NPSR1: variants seen among roughly 807,000 people sequenced by gnomAD.
The protein encoded by NPSR1 is neuropeptide S receptor 1.
A neutral mutation model predicts 46.9 loss-of-function variants in NPSR1; 48 were observed. The observed-to-expected ratio is 1.02, with a 90% CI of 0.81 to 1.30. The LOEUF (loss-of-function observed/expected upper bound fraction) is 1.30. NPSR1 is among the 50% of genes most tolerant of loss of function. The pLI is 0.00. For missense variants in NPSR1, 450 were observed against 449.5 expected, an observed-to-expected ratio of 1.00 and a Z score of -0.01; for synonymous variants, 176 against 168.1, an observed-to-expected ratio of 1.05 and a Z score of -0.36.
At chr7:34,789,290 A>G (rs1178253961) in intron 3 of NPSR1, among the ~76,000 whole-genome samples, 1 of 152,040 alleles carries the variant, frequency 6.6e-6, no homozygotes, top group Non-Finnish European at 1.5e-5. Context: ...AGAAATAATA[A>G]AAATTAGAGA....
At chr7:34,713,649 T>C (rs1783412330) in intron 2 of NPSR1, among the ~76,000 whole-genome samples, 1 of 152,174 alleles carries the variant, frequency 6.6e-6, no homozygotes, top group African/African-American at 2.4e-5. Flanking sequence ...GTTTTCACTC[T>C]CCTGTGCAGA....
chr7:34,692,926 C>T (rs1793338432), intron 2 of NPSR1, among the ~76,000 whole-genome samples: 1 of 152,124 alleles, frequency 6.6e-6, no homozygotes, highest in Non-Finnish European at 1.5e-5. Context: ...GAAATACAAT[C>T]CCCCCGTGTT....
At chr7:34,815,554 A>G (rs759537372) in intron 4 of NPSR1, among the ~76,000 whole-genome samples, 1 of 152,226 alleles carries the variant, frequency 6.6e-6, no homozygotes, top group Non-Finnish European at 1.5e-5. Flanking sequence ...ACTCAAATTC[A>G]GGAAATACAG....
intron 2 of NPSR1, chr7:34,760,963 G>A (rs967323837): frequency 6.6e-6 from 1 of 152,460 alleles, no homozygotes; most frequent in Non-Finnish European, 1.5e-5. Context: ...TCATCATCAC[G>A]TAGTAATTTC....
At chr7:34,679,936 A>AC (rs1792531545) in intron 1 of NPSR1, among the ~76,000 whole-genome samples, 1 of 152,128 alleles carries the variant, frequency 6.6e-6, no homozygotes, top group Non-Finnish European at 1.5e-5. Flanking sequence ...CACAAATGAG[A>AC]TAAAAAATAT....
At chr7:34,757,233 A>G (rs956694934) in intron 2 of NPSR1, among the ~76,000 whole-genome samples, 2 of 152,200 alleles carry the variant, frequency 1.3e-5, no homozygotes, top group Non-Finnish European at 2.9e-5. Flanking sequence ...CTGAACTGAA[A>G]GTTGAGTGCA....
chr7:34,852,940 A>G (rs550959395), downstream of NPSR1, among the ~76,000 whole-genome samples: 4 of 152,330 alleles, frequency 2.6e-5, no homozygotes, highest in South Asian at 8.3e-4. Context: ...TTAAATATGA[A>G]TGGTAAAAAC....
intron 4 of NPSR1, among the ~76,000 whole-genome samples, chr7:34,823,555 G>C (rs753664374): frequency 4.6e-5 from 7 of 152,012 alleles, no homozygotes; most frequent in Non-Finnish European, 1.0e-4. Context: ...CAACTATTAG[G>C]AGAGTATAAG....
intron 3 of NPSR1, among the ~76,000 whole-genome samples, chr7:34,786,505 A>G (rs903802761): frequency 6.6e-6 from 1 of 152,170 alleles, no homozygotes; most frequent in Non-Finnish European, 1.5e-5. Flanking sequence ...ACCTTCTCCC[A>G]TAAATCATGA....
At chr7:34,730,863 CA>C (rs919663443) in intron 2 of NPSR1, among the ~76,000 whole-genome samples, 2 of 151,618 alleles carry the variant, frequency 1.3e-5, no homozygotes, top group African/African-American at 2.4e-5. Context: ...TTTTCAGTAC[CA>C]AAAAAAAGTG....
intron 3 of NPSR1, among the ~76,000 whole-genome samples, chr7:34,793,897 AAG>A (rs1788051445): frequency 6.6e-6 from 1 of 152,198 alleles, no homozygotes; most frequent in Non-Finnish European, 1.5e-5. Context: ...ATAAAAAAGA[AAG>A]AAATTGTTTC....
chr7:34,823,069 G>A (rs1211263114), intron 4 of NPSR1, among the ~76,000 whole-genome samples: 1 of 152,010 alleles, frequency 6.6e-6, no homozygotes, highest in Non-Finnish European at 1.5e-5. Flanking sequence ...ATGGGCAAAG[G>A]GCATGAACAG....
At chr7:34,828,877 A>G (rs937564753) in intron 5 of NPSR1, among the ~76,000 whole-genome samples, 1 of 152,198 alleles carries the variant, frequency 6.6e-6, no homozygotes, top group African/African-American at 2.4e-5. Flanking sequence ...ACTTGTAGAA[A>G]AGGTATATTC....
rs141918747 is a variant in NPSR1 at position 34,832,333 on chromosome 7, A to G, written c.681-2051A>G. Reference sequence around the variant, plus strand: ...TGGACCTCTTGGGCCCGGGAGTTCAAGACCAGCCTGGCAGCATGGTGAAAC... The same window carrying G: ...TGGACCTCTTGGGCCCGGGAGTTCAGGACCAGCCTGGCAGCATGGTGAAAC... On this transcript the variant is annotated intron_variant, in intron 5 of 8. Transcript: ENST00000360581. Among the ~76,000 whole-genome samples the G allele has an allele frequency of 1.2e-3, 176 of 152,300 alleles. 1 individual carries two copies. The highest frequency in any genetic ancestry group is 6.6e-3 in the East Asian group (34 of 5,180).
intron 8 of NPSR1, among the ~76,000 whole-genome samples, chr7:34,857,830 AACT>A (rs1452918599): frequency 3.3e-5 from 5 of 151,806 alleles, no homozygotes; most frequent in African/African-American, 9.7e-5. Context: ...AATATATAAA[AACT>A]ACTGCAAATC....
intron 3 of NPSR1, among the ~76,000 whole-genome samples, chr7:34,791,162 ATATG>A (rs1787841714): frequency 1.6e-5 from 2 of 122,102 alleles, no homozygotes; most frequent in African/African-American, 3.4e-5. Context: ...TATATATTAT[ATATG>A]TTATATATTA....
intron 2 of NPSR1, among the ~76,000 whole-genome samples, chr7:34,710,244 G>A (rs1583856545): frequency 6.6e-6 from 1 of 152,184 alleles, no homozygotes; most frequent in East Asian, 1.9e-4. Flanking sequence ...TAGGTTTGTA[G>A]AGGATGAGTT....
At chr7:34,660,889 T>A (rs148795340) in intron 1 of NPSR1, among the ~76,000 whole-genome samples, 76 of 152,230 alleles carry the variant, frequency 5.0e-4, no homozygotes, top group African/African-American at 1.8e-3. Flanking sequence ...GCTTCATTAG[T>A]GTCACGGACT....
At chr7:34,750,837 C>T (rs1479571979) in intron 2 of NPSR1, 5 of 693,786 alleles carry the variant, frequency 7.2e-6, no homozygotes, top group South Asian at 6.8e-5. Context: ...AGCTTTTCCA[C>T]CAGGCTTTGT....
Sources: allele counts gnomAD v4.1 joint callset (sites outside exome capture counted in the v4.1 genomes callset), GRCh38; gene constraint gnomAD v4.1.1; transcripts MANE v1.5; gene names NCBI Gene and HGNC (gene_info 2026-07-23, HGNC 2026-07-21).